Variants in NME1 observed in about 807,000 individuals in gnomAD.
The protein encoded by NME1 is NME/NM23 nucleoside diphosphate kinase 1.
In NME1, 9 loss-of-function variants were observed where a neutral mutation model predicts 17.2. That is an observed-to-expected ratio of 0.52 (90% CI 0.32 to 0.92). The LOEUF (loss-of-function observed/expected upper bound fraction) is 0.92, where lower values mean the gene tolerates loss of function less well. Among genes scored for constraint, NME1 ranks in the 40% least tolerant of loss-of-function variants. NME1 has a pLI of 0.04. For missense variants in NME1, 169 were observed against 201.7 expected, an observed-to-expected ratio of 0.84 and a Z score of 0.98; for synonymous variants, 72 against 70.8, an observed-to-expected ratio of 1.02 and a Z score of -0.09.
intron 1 of NME1, 86 bp from the exon 2 acceptor site, chr17:51,155,565 G>A (rs2049773337): frequency 1.9e-6 from 3 of 1,582,604 alleles, no homozygotes; most frequent in Non-Finnish European, 2.6e-6. Flanking sequence ...ATTTAAACCA[G>A]CTTTATGGGA....
chr17:51,161,735 A>T lies in NME1; in HGVS notation c.349A>T (p.Ile117Leu), dbSNP rs1412817356. 2 of 1,612,676 alleles carry T rather than the reference A, an allele frequency of 1.2e-6. No individual in the cohort carries two copies. Among genetic ancestry groups the T allele is most frequent in the African/African-American group, 2.7e-5 (2 of 75,032 alleles). ...ATCTCTTTCTCCACCCAGGAACATTATACATGGCAGTGATTCTGTGGAGAG... is the reference window on the plus strand; with the variant it reads ...ATCTCTTTCTCCACCCAGGAACATTTTACATGGCAGTGATTCTGTGGAGAG... Reference protein sequence around the residue: ...DFCIQVGRNIIHGSDSVESAE... With the variant: ...DFCIQVGRNILHGSDSVESAE... The change falls in exon 5 of 5, where the codon ATA becomes TTA. Residue 117 changes from isoleucine to leucine, a missense_variant. Ile to Leu is a conservative substitution (Grantham distance 5, BLOSUM62 2). Coordinates refer to ENST00000393196, the MANE Select transcript of NME1 (RefSeq NM_000269.3).
intron 1 of NME1, among the ~76,000 whole-genome samples, chr17:51,154,759 A>G (rs1283345553): frequency 3.3e-5 from 5 of 152,218 alleles, no homozygotes; most frequent in Non-Finnish European, 7.3e-5. Flanking sequence ...TGGCTGTGGC[A>G]TTAAGTCAAA....
Position 51,160,065 on chromosome 17 carries a change from G to C in NME1, c.212G>C (p.Gly71Ala). The change falls in exon 3 of 5, where the codon GGG (glycine) becomes GCG (alanine). Residue 71 changes from glycine (G) to alanine (A), a missense_variant. Coordinates refer to ENST00000393196, the MANE Select transcript of NME1 (RefSeq NM_000269.3). ...FAGLVKYMHS[G>A]PVVAMVWEGL... is the part of the protein sequence containing the mutation. The stretch of plus-strand genomic sequence containing the variant: ...GGCCTGGTGAAATACATGCACTCAG[G>C]GCCGGTAGTTGCCATGGTGAGTGTG... 1.2e-6 allele frequency: 2 copies of C among 1,614,122 alleles called. No individual in the cohort carries two copies. The highest frequency in any genetic ancestry group is 4.5e-5 in the East Asian group (2 of 44,884).
intron 2 of NME1, among the ~76,000 whole-genome samples, chr17:51,159,376 AG>A (rs1291397560): frequency 6.6e-6 from 1 of 152,334 alleles, no homozygotes; most frequent in Non-Finnish European, 1.5e-5. Context: ...CAAGGCAGGC[AG>A]ATCACCTGCG....
At chr17:51,160,259 T>C in intron 3 of NME1, 178 bp downstream of exon 3, 2 of 740,582 alleles carry the variant, frequency 2.7e-6, no homozygotes, top group Non-Finnish European at 4.7e-6. Context: ...TGAATAGGAG[T>C]AGCAAATGAT....
At chr17:51,157,268 T>A (rs2049801381) in intron 2 of NME1, among the ~76,000 whole-genome samples, 1 of 152,154 alleles carries the variant, frequency 6.6e-6, no homozygotes, top group Non-Finnish European at 1.5e-5. Context: ...TAGACTGATG[T>A]TCATGCTGAG....
chr17:51,161,155 T>A lies in NME1; in HGVS notation c.229-5T>A. 1 of 1,608,206 alleles carries A rather than the reference T, an allele frequency of 6.2e-7. No homozygotes were observed. The highest frequency in any genetic ancestry group is 8.5e-7 in the Non-Finnish European group (1 of 1,177,280). On this transcript the variant is annotated splice_region_variant and splice_polypyrimidine_tract_variant and intron_variant, in intron 3 of 4. Transcript: ENST00000393196. ...CTTTGACCATATCTTCTTCTGTCCT[T>A]GGAGGTCTGGGAGGGGCTGAATGTG...
At position 51,159,338 on chromosome 17, in the gene NME1, C is replaced by T. The variant is rs570093565; in HGVS notation, c.127-642C>T. Among the ~76,000 whole-genome samples the T allele has an allele frequency of 4.9e-4, 74 of 152,308 alleles. 1 individual carries two copies. In the Middle Eastern group the frequency reaches 0.01, roughly 21 times the overall value. ...AGGTATGGCTGGGCGCGGTGGCTTACGCCCGTAGTCCCGGCCCTTTGGGAG... is the reference window on the plus strand; with the variant it reads ...AGGTATGGCTGGGCGCGGTGGCTTATGCCCGTAGTCCCGGCCCTTTGGGAG... On this transcript the variant is annotated intron_variant, in intron 2 of 4. Transcript: ENST00000393196.
rs941044060 is a variant in NME1, at chr17:51,161,913, G to C, written c.*68G>C. The C allele has an allele frequency of 7.9e-6, 8 of 1,008,348 alleles. No homozygotes were observed. The East Asian group carries it at 1.7e-4, about 21-fold the overall frequency. The allele number at this position is 1,008,348 out of a possible 1,614,324, so 62.5% of individuals were successfully genotyped here. A position where few individuals can be genotyped will look rare whatever the true frequency, so the allele number is the denominator to read the frequency against. On this transcript the variant is annotated 3_prime_UTR_variant, in exon 5 of 5. Transcript: ENST00000393196. The stretch of plus-strand genomic sequence containing the variant: ...CTTCCCATGGGCAGAGGACCAGGCT[G>C]TAGGAAATCTAGTTATTTACAGGAA...
chr17:51,154,186 T>A, intron 1 of NME1: 1 of 529,828 alleles, frequency 1.9e-6, no homozygotes, highest in South Asian at 2.4e-5. Flanking sequence ...AGTTGCAGAA[T>A]GGTGATAAAT....
intron 2 of NME1, chr17:51,156,322 C>T: frequency 5.6e-6 from 1 of 179,916 alleles, no homozygotes; most frequent in Non-Finnish European, 1.2e-5. Context: ...ACTTACAAAG[C>T]AATCTTTTGA....
intron 3 of NME1, among the ~76,000 whole-genome samples, chr17:51,160,940 G>A (rs1429421819): frequency 6.6e-6 from 1 of 152,148 alleles, no homozygotes; most frequent in Non-Finnish European, 1.5e-5. Context: ...GGCTGCTCTG[G>A]TTGCTGTATG....
At position 51,161,204 on chromosome 17, in the gene NME1, C is replaced by T. The variant is rs544447023; in HGVS notation, c.273C>T (p.Leu91=). 59 of 1,612,910 alleles carry T rather than the reference C, an allele frequency of 3.7e-5. 1 individual carries two copies. Among genetic ancestry groups the T allele is most frequent in the African/African-American group, 1.2e-4 (9 of 75,022 alleles). The change falls in exon 4 of 5, where the codon CTC becomes CTT. Residue 91 remains leucine, a synonymous_variant. Transcript: ENST00000393196. ...TGGTGAAGACGGGCCGAGTCATGCT[C>T]GGGGAGACCAACCCTGCAGACTCCA... ...LNVVKTGRVM[L]GETNPADSKP...
At chr17:51,160,383 A>G in intron 3 of NME1, 1 of 438,578 alleles carries the variant, frequency 2.3e-6, no homozygotes, top group South Asian at 2.0e-5. Context: ...ACAGTGAAAA[A>G]CATTTCCAGC....
At chr17:51,158,030 A>T (rs2049811793) in intron 2 of NME1, among the ~76,000 whole-genome samples, 2 of 152,198 alleles carry the variant, frequency 1.3e-5, no homozygotes, top group Non-Finnish European at 2.9e-5. Flanking sequence ...CTGTAATCCC[A>T]GCATTTTGGG....
In NME1 at chr17:51,159,488, T is replaced by G. The variant is rs370858526; in HGVS notation, c.127-492T>G. Among the ~76,000 whole-genome samples, 20 of 152,238 alleles carry G rather than the reference T, an allele frequency of 1.3e-4. 2 individuals are homozygous for G. The South Asian group carries it at 2.3e-3, about 17-fold the overall frequency. On this transcript the variant is annotated intron_variant, in intron 2 of 4. Transcript: ENST00000393196. ...GGCCGCCACCTGTAATCCCAGCTAC[T>G]TGGGAGGCTGAGGCAGGAGAATCAC... is the stretch of plus-strand genomic sequence containing the variant.
At position 51,161,942 on chromosome 17, in the gene NME1, C is replaced by A; in HGVS notation, c.*97C>A. On this transcript the variant is annotated 3_prime_UTR_variant, in exon 5 of 5. Transcript: ENST00000393196. ...GAAATCTAGTTATTTACAGGAACTT[C>A]ATCATAATTTGGAGGGAAGCTCTTG... The A allele has an allele frequency of 2.4e-6, 2 of 843,176 alleles. No individual in the cohort carries two copies. The highest frequency in any genetic ancestry group is 3.5e-5 in the Admixed American group (2 of 57,772). The allele number at this position is 843,176 out of a possible 1,614,324, so 52.2% of individuals were successfully genotyped here. A position where few individuals can be genotyped will look rare whatever the true frequency, so the allele number is the denominator to read the frequency against.
chr17:51,161,414 G>A (rs975534341), intron 4 of NME1, 142 bp downstream of exon 4: 1 of 891,970 alleles, frequency 1.1e-6, no homozygotes, highest in African/African-American at 1.7e-5. Context: ...CTCTTAAGTT[G>A]GCGTTTGGCT....
chr17:51,154,162 T>C, intron 1 of NME1: 13 of 524,666 alleles, frequency 2.5e-5, no homozygotes, highest in South Asian at 1.4e-4. Context: ...TCTCTCTCTT[T>C]TTTTTTTTTT....
Sources: allele counts gnomAD v4.1 joint callset (sites outside exome capture counted in the v4.1 genomes callset), GRCh38; gene constraint gnomAD v4.1.1; transcripts MANE v1.5; gene names NCBI Gene and HGNC (gene_info 2026-07-23, HGNC 2026-07-21).